ATP9A: variants seen among roughly 807,000 people sequenced by gnomAD.
ATP9A encodes the protein ATPase phospholipid transporting 9A, also known as probable phospholipid-transporting ATPase IIA.
A neutral mutation model predicts 144.1 loss-of-function variants in ATP9A; 52 were observed. The ratio of observed to expected loss-of-function variants is 0.36; its 90% confidence interval spans 0.29 to 0.45. The LOEUF (loss-of-function observed/expected upper bound fraction) is 0.45. Ranked by LOEUF, ATP9A falls within the 20% of genes least tolerant of loss-of-function variation. The pLI is 1.00. For missense variants in ATP9A, 947 were observed against 1,392.7 expected, an observed-to-expected ratio of 0.68 and a Z score of 5.09; for synonymous variants, 582 against 557.4, an observed-to-expected ratio of 1.04 and a Z score of -0.62.
chr20:51,668,333 A>G (rs6067887), intron 13 of ATP9A, among the ~76,000 whole-genome samples: 110,350 of 151,060 alleles, frequency 0.73, 41,165 homozygotes, highest in Middle Eastern at 0.83. Context: ...TAGGTTTAGG[A>G]GATGAGGGAA....
intron 1 of ATP9A, chr20:51,734,814 G>A (rs1042200895): frequency 3.4e-4 from 73 of 216,400 alleles, no homozygotes; most frequent in African/African-American, 1.3e-3. Context: ...TGCACACGCC[G>A]AGGCTATCAA....
At chr20:51,655,721 G>A (rs2077384338) in intron 14 of ATP9A, among the ~76,000 whole-genome samples, 1 of 152,052 alleles carries the variant, frequency 6.6e-6, no homozygotes, top group African/African-American at 2.4e-5. Flanking sequence ...AAAACAGACA[G>A]ACAGCTCCTC....
At chr20:51,629,550 C>G (rs2077262562) in intron 15 of ATP9A, among the ~76,000 whole-genome samples, 1 of 152,150 alleles carries the variant, frequency 6.6e-6, no homozygotes, top group Non-Finnish European at 1.5e-5. Context: ...GCATCCCTGG[C>G]CCCTACGCAC....
chr20:51,611,526 G>A lies in ATP9A; in HGVS notation c.2572-1361C>T, dbSNP rs1055041030. ...GTGTTCTCTGACAGACTCATGTCCC[G>A]GTGCAATTCTAACTGGGACTTGCTC... On this transcript the variant is annotated intron_variant, in intron 23 of 27. Coordinates refer to ENST00000338821, the MANE Select transcript of ATP9A (RefSeq NM_006045.3). The surrounding 1 kb of genome is among the most constrained non-coding windows in gnomAD (Gnocchi z 4.2). Among the ~76,000 whole-genome samples the A allele has an allele frequency of 3.9e-5, 6 of 152,092 alleles. No individual in the cohort carries two copies. The highest frequency in any genetic ancestry group is 5.9e-5 in the Non-Finnish European group (4 of 68,036).
At chr20:51,659,221 G>A (rs1159457940) in intron 13 of ATP9A, among the ~76,000 whole-genome samples, 7 of 151,968 alleles carry the variant, frequency 4.6e-5, no homozygotes, top group East Asian at 3.9e-4. Context: ...TTGCCTTCCC[G>A]TTGCAAGTCA....
chr20:51,603,855 A>T (rs189912359), intron 27 of ATP9A, among the ~76,000 whole-genome samples: 94 of 152,232 alleles, frequency 6.2e-4, no homozygotes, highest in African/African-American at 2.1e-3. Flanking sequence ...ATCTCAGCTC[A>T]CTGCAACCTT....
chr20:51,721,351 C>T (rs770191763), intron 3 of ATP9A, among the ~76,000 whole-genome samples: 11 of 152,144 alleles, frequency 7.2e-5, no homozygotes, highest in Non-Finnish European at 1.3e-4. Context: ...TTGGGCGTGT[C>T]GGCTCATATC....
chr20:51,694,649 G>A (rs766904835), intron 6 of ATP9A, among the ~76,000 whole-genome samples: 2 of 152,176 alleles, frequency 1.3e-5, no homozygotes, highest in East Asian at 1.9e-4. Flanking sequence ...GAGCTGATTC[G>A]TGCGCAGAGT....
chr20:51,675,956 T>C (rs971818498), intron 10 of ATP9A, among the ~76,000 whole-genome samples, 176 bp downstream of exon 10: 1 of 151,620 alleles, frequency 6.6e-6, no homozygotes, highest in African/African-American at 2.4e-5. Flanking sequence ...ACGTACTGTA[T>C]TATATATGTG....
chr20:51,633,162 G>A (rs1353839172), intron 15 of ATP9A, among the ~76,000 whole-genome samples: 1 of 152,020 alleles, frequency 6.6e-6, no homozygotes, highest in Non-Finnish European at 1.5e-5. Context: ...AACTGAAATT[G>A]AGAAACAGCC....
intron 14 of ATP9A, among the ~76,000 whole-genome samples, chr20:51,648,240 C>T (rs747671436): frequency 1.3e-5 from 2 of 152,178 alleles, no homozygotes; most frequent in South Asian, 2.1e-4. Flanking sequence ...AACAAACCAA[C>T]CAACCTCGTA....
intron 18 of ATP9A, among the ~76,000 whole-genome samples, chr20:51,623,123 TCAGGG>T (rs1299680564): frequency 6.6e-6 from 1 of 152,198 alleles, no homozygotes; most frequent in Non-Finnish European, 1.5e-5. Flanking sequence ...CGGGCACCTC[TCAGGG>T]CTGAGCCTCC....
chr20:51,632,847 G>C (rs2122737230), intron 15 of ATP9A, among the ~76,000 whole-genome samples: 1 of 152,280 alleles, frequency 6.6e-6, no homozygotes, highest in East Asian at 1.9e-4. Flanking sequence ...AAAAAGCGAG[G>C]CGCAGTGGCT....
intron 14 of ATP9A, among the ~76,000 whole-genome samples, chr20:51,648,536 A>G (rs1416258902): frequency 6.6e-6 from 1 of 152,178 alleles, no homozygotes; most frequent in Non-Finnish European, 1.5e-5. Flanking sequence ...ATAGCCATTA[A>G]AAAACCTCTT....
At chr20:51,758,318 T>C (rs139565020) in intron 1 of ATP9A, among the ~76,000 whole-genome samples, 2 of 152,258 alleles carry the variant, frequency 1.3e-5, no homozygotes, top group African/African-American at 2.4e-5. Flanking sequence ...CTTTCCAAAT[T>C]AAACCAAAAT....
chr20:51,694,960 A>G (rs1237222645), intron 6 of ATP9A, among the ~76,000 whole-genome samples: 1 of 152,206 alleles, frequency 6.6e-6, no homozygotes, highest in African/African-American at 2.4e-5. Flanking sequence ...TTAAAGACAA[A>G]GCTGCAGTTT....
At chr20:51,753,074 C>T (rs1601145666) in intron 1 of ATP9A, among the ~76,000 whole-genome samples, 1 of 149,378 alleles carries the variant, frequency 6.7e-6, no homozygotes, top group African/African-American at 2.5e-5. Context: ...TGCACTCCAG[C>T]GTGGGCAACA....
chr20:51,747,252 G>A (rs746913854), intron 1 of ATP9A, among the ~76,000 whole-genome samples: 2 of 152,168 alleles, frequency 1.3e-5, no homozygotes, highest in African/African-American at 2.4e-5. Flanking sequence ...ATCACCTCAT[G>A]AGAAAAGCCA....
In ATP9A at chr20:51,611,447, C is replaced by T. The variant is rs142827253; in HGVS notation, c.2572-1282G>A. Among the ~76,000 whole-genome samples, 1,498 of 152,318 alleles carry T rather than the reference C, an allele frequency of 9.8e-3. 31 individuals are homozygous for T. The highest frequency in any genetic ancestry group is 0.035 in the African/African-American group (1,436 of 41,570). On this transcript the variant is annotated intron_variant, in intron 23 of 27. Transcript: ENST00000338821. This position sits in a 1 kb window ranked among gnomAD's most constrained non-coding sequence, Gnocchi z 4.2. ...AGCCCCTTCCTCTAAAAGGGTCATC[C>T]TAACCACAAAGTCTTCATCTCGACA...
Sources: gnomAD v4.1 joint callset for allele counts (sites outside exome capture counted in the v4.1 genomes callset) on GRCh38, gnomAD v4.1.1 for gene constraint, Gnocchi (gnomAD v3.1) non-coding constraint, MANE v1.5 for transcripts, NCBI Gene and HGNC (gene_info 2026-07-23, HGNC 2026-07-21) for gene names.